The following TP53I13 variants were observed in gnomAD, a reference collection of about 807,000 sequenced individuals.
The protein encoded by TP53I13 is tumor protein p53 inducible protein 13.
In TP53I13, 27 loss-of-function variants were observed where a neutral mutation model predicts 39.1. The ratio of observed to expected loss-of-function variants is 0.69; its 90% CI spans 0.51 to 0.95. TP53I13 has a LOEUF of 0.95. Among genes scored for constraint, TP53I13 ranks in the 40% least tolerant of loss-of-function variants. The pLI is 0.00. For missense variants in TP53I13, 544 were observed against 520.4 expected (o/e 1.05, Z -0.44); for synonymous variants, 230 against 224.6 (o/e 1.02, Z -0.22).
the TP53I13 span, among the ~76,000 whole-genome samples, chr17:29,580,776 CTTTT>C: frequency 7.0e-6 from 1 of 142,590 alleles, no homozygotes; most frequent in Admixed American, 7.0e-5. Flanking sequence ...GTTTCTTTTT[CTTTT>C]TTTTTTTTTT....
chr17:29,572,124 T>C lies in TP53I13; in HGVS notation c.514-18T>C. On this transcript the variant is annotated intron_variant, in intron 5 of 6. Transcript: ENST00000301057. ...CTGAGAGGGGCAGCAGGGTGATTGCTCTCTCTCCTCTCCTTAGGCCCTGGC... is the reference window on the plus strand; with the variant it reads ...CTGAGAGGGGCAGCAGGGTGATTGCCCTCTCTCCTCTCCTTAGGCCCTGGC... 2 of 1,609,446 alleles carry C rather than the reference T, an allele frequency of 1.2e-6. No individual in the cohort carries two copies. The highest frequency in any genetic ancestry group is 1.7e-6 in the Non-Finnish European group (2 of 1,177,400).
At chr17:29,577,187 G>A, downstream of TP53I13, 1 of 1,614,014 alleles carries the variant, frequency 6.2e-7, no homozygotes, top group Non-Finnish European at 8.5e-7. Context: ...GCCTCACTGA[G>A]AATGTCGATG....
chr17:29,576,441 G>A (rs1371353324), downstream of TP53I13: 2 of 1,612,652 alleles, frequency 1.2e-6, no homozygotes, highest in Non-Finnish European at 1.7e-6. Context: ...TCCGCCTGCA[G>A]CTTGTGGATC....
At chr17:29,573,836 G>A (rs1382765197), downstream of TP53I13, 1 of 152,682 alleles carries the variant, frequency 6.5e-6, no homozygotes, top group African/African-American at 2.4e-5. Flanking sequence ...GGAGCAGGAG[G>A]AGATGGAGGG....
downstream of TP53I13, chr17:29,574,698 G>C (rs1372246200): frequency 6.2e-7 from 1 of 1,608,786 alleles, no homozygotes; most frequent in South Asian, 1.1e-5. Flanking sequence ...TGTGGGGAGA[G>C]AGGTCACTGC....
chr17:29,571,981 G>A lies in TP53I13; in HGVS notation c.437G>A (p.Cys146Tyr), dbSNP rs1206560172. Residue 146 changes from cysteine to tyrosine, a missense_variant, in exon 5 of 7, where the codon TGT becomes TAT. Coordinates refer to ENST00000301057, the MANE Select transcript of TP53I13 (RefSeq NM_138349.4). Reference protein sequence around the residue: ...KQRKKKAWIYCESLSGPAPSE... With the variant: ...KQRKKKAWIYYESLSGPAPSE... The stretch of plus-strand genomic sequence containing the variant: ...AGGAAGAAGAAGGCATGGATCTACT[G>A]TGAAAGCCTTTCAGGGCCTGCTCCC... 2 of 1,613,056 alleles carry A rather than the reference G, an allele frequency of 1.2e-6. No homozygotes were observed. The highest frequency in any genetic ancestry group is 1.3e-5 in the African/African-American group (1 of 74,908).
downstream of TP53I13, chr17:29,575,266 C>T: frequency 6.3e-7 from 1 of 1,597,962 alleles, no homozygotes; most frequent in Non-Finnish European, 8.5e-7. This position sits in a 1 kb window ranked among gnomAD's most constrained non-coding sequence, Gnocchi z 5.5. Flanking sequence ...GCATCCCCCT[C>T]ACCTCCCCCT....
At chr17:29,577,418 A>G (rs1007254206), downstream of TP53I13, among the ~76,000 whole-genome samples, 31 of 152,084 alleles carry the variant, frequency 2.0e-4, no homozygotes, top group African/African-American at 7.2e-4. Context: ...GTGGCAGGGT[A>G]TGATAGAGTA....
chr17:29,569,708 T>C (rs192803565), intron 3 of TP53I13: 128 of 265,788 alleles, frequency 4.8e-4, no homozygotes, highest in Middle Eastern at 2.5e-3. Context: ...CTCCTGACTT[T>C]GTGGGCCCCA....
At chr17:29,569,440 G>A (rs1371285146) in intron 3 of TP53I13, 81 bp downstream of exon 3, 4 of 1,407,436 alleles carry the variant, frequency 2.8e-6, no homozygotes, top group Non-Finnish European at 3.0e-6. Flanking sequence ...TGCCTGTTCT[G>A]CTGATCGGCC....
At position 29,573,038 on chromosome 17, in the gene TP53I13, C is replaced by T. The variant is rs1400501128; in HGVS notation, c.*114C>T. 7.1e-6 allele frequency: 6 copies of T among 842,690 alleles called. 1 individual carries two copies. The highest frequency in any genetic ancestry group is 8.2e-6 in the Non-Finnish European group (5 of 607,952). 52.2% of individuals were successfully genotyped at this position (842,690 alleles called of 1,614,324 possible). ...CCTGGTGGCGATGGCGCGGCACTGG[C>T]CGAGCACTGCGGGGGCTTTCCTCCT... On this transcript the variant is annotated 3_prime_UTR_variant, in exon 7 of 7. Transcript: ENST00000301057.
At chr17:29,575,450 A>G, downstream of TP53I13, 7 of 1,609,372 alleles carry the variant, frequency 4.3e-6, no homozygotes, top group Admixed American at 8.4e-5. The surrounding 1 kb of genome is among the most constrained non-coding windows in gnomAD (Gnocchi z 5.5). Context: ...GCCCAGCTCT[A>G]GAAACCTCTT....
upstream of TP53I13, chr17:29,566,519 TC>T (rs2150791734): frequency 6.2e-7 from 1 of 1,610,298 alleles, no homozygotes; most frequent in East Asian, 2.2e-5. Context: ...GCGCTGGTGA[TC>T]CGGCGGCCCC....
chr17:29,577,748 G>C (rs759105143), downstream of TP53I13: 7 of 1,583,824 alleles, frequency 4.4e-6, no homozygotes, highest in Middle Eastern at 1.7e-4. Context: ...CCACACTGTA[G>C]GGGACGGACA....
At chr17:29,566,375 C>A (rs879860619), upstream of TP53I13, 5 of 1,610,724 alleles carry the variant, frequency 3.1e-6, no homozygotes, top group Non-Finnish European at 4.2e-6. Context: ...AGTGGGCAAC[C>A]GTGGTGGCCG....
chr17:29,569,478 A>G (rs1206330196), intron 3 of TP53I13, 119 bp downstream of exon 3: 3 of 996,564 alleles, frequency 3.0e-6, no homozygotes, highest in Non-Finnish European at 4.5e-6. Context: ...CCTCAGGCAG[A>G]GGCAGGGTTC....
At chr17:29,577,270 C>G (rs1418874015), downstream of TP53I13, 1 of 1,601,556 alleles carries the variant, frequency 6.2e-7, no homozygotes. Flanking sequence ...AAGGGCCAGG[C>G]TGGCTTCAGG....
At chr17:29,575,180 C>T (rs2033145994), downstream of TP53I13, 3 of 1,570,936 alleles carry the variant, frequency 1.9e-6, no homozygotes, top group Non-Finnish European at 2.6e-6. The surrounding 1 kb of genome is among the most constrained non-coding windows in gnomAD (Gnocchi z 5.5). Flanking sequence ...AGGGGGCTCT[C>T]AAGGGAGGTT....
intron 3 of TP53I13, chr17:29,569,742 A>G: frequency 4.4e-6 from 1 of 228,494 alleles, no homozygotes; most frequent in Non-Finnish European, 8.8e-6. Flanking sequence ...GAGGGTATTA[A>G]TTCTGTCTCT....
Sources: gnomAD v4.1 joint callset for allele counts (sites outside exome capture counted in the v4.1 genomes callset) on GRCh38, gnomAD v4.1.1 for gene constraint, Gnocchi (gnomAD v3.1) non-coding constraint, MANE v1.5 for transcripts, NCBI Gene and HGNC (gene_info 2026-07-23, HGNC 2026-07-21) for gene names.